Variants in TRAK1 observed in about 807,000 individuals in gnomAD.
TRAK1 encodes the protein trafficking kinesin-binding protein 1.
Under a neutral mutation model 92.1 loss-of-function variants are expected in TRAK1, and 33 were observed. That is an observed-to-expected ratio of 0.36 (90% CI 0.27 to 0.48). TRAK1 has a LOEUF of 0.48. TRAK1 is among the 20% of genes least tolerant of loss of function. The probability of loss-of-function intolerance (pLI) is 0.99; values close to 1 mark genes in which losing one functional copy is unlikely to be tolerated. For synonymous variants in TRAK1, 521 were observed against 517.3 expected (o/e 1.01, Z -0.10); for missense variants, 1,123 against 1,257.9 (o/e 0.89, Z 1.62).
chr3:42,086,754 T>C (rs1023621950), upstream of TRAK1, among the ~76,000 whole-genome samples: 11 of 152,170 alleles, frequency 7.2e-5, no homozygotes, highest in African/African-American at 2.7e-4. Context: ...TGTAATTCCA[T>C]ATACAAATAA....
chr3:42,181,587 G>A (rs1387581132), intron 3 of TRAK1, among the ~76,000 whole-genome samples: 1 of 152,138 alleles, frequency 6.6e-6, no homozygotes, highest in African/African-American at 2.4e-5. Flanking sequence ...AAATATCAGC[G>A]CTTGTTGGAA....
At chr3:42,200,641 A>T (rs1179977355) in intron 11 of TRAK1, among the ~76,000 whole-genome samples, 177 bp from the exon 12 acceptor site, 2 of 152,118 alleles carry the variant, frequency 1.3e-5, no homozygotes, top group Non-Finnish European at 2.9e-5. Flanking sequence ...CAAATTTCGC[A>T]TTGTGAAGGA....
chr3:42,105,552 C>T (rs1707414326), intron 1 of TRAK1, among the ~76,000 whole-genome samples: 1 of 152,168 alleles, frequency 6.6e-6, no homozygotes, highest in South Asian at 2.1e-4. Flanking sequence ...ATTGGTGTAC[C>T]TGAAAGTGAT....
intron 2 of TRAK1, among the ~76,000 whole-genome samples, chr3:42,131,937 A>G (rs1426278797): frequency 2.0e-5 from 3 of 149,044 alleles, no homozygotes; most frequent in African/African-American, 7.4e-5. Flanking sequence ...GTGTGATGGT[A>G]TGCACCTTGT....
chr3:42,210,649 A>G (rs3196165), intron 14 of TRAK1: 758,262 of 1,000,754 alleles, frequency 0.76, 287,999 homozygotes, highest in East Asian at 0.99. Context: ...CAGACATTTC[A>G]TCAGCCTTTT....
intron 2 of TRAK1, among the ~76,000 whole-genome samples, chr3:42,135,481 A>G (rs1697830695): frequency 6.6e-6 from 1 of 152,132 alleles, no homozygotes; most frequent in Non-Finnish European, 1.5e-5. Context: ...TAATCCCAAC[A>G]CTTTGGGTGG....
chr3:42,146,315 C>T, intron 2 of TRAK1: 2 of 309,098 alleles, frequency 6.5e-6, no homozygotes, highest in Non-Finnish European at 1.3e-5. Context: ...ACTTGGTTTT[C>T]CTGACCTCAG....
intron 1 of TRAK1, among the ~76,000 whole-genome samples, chr3:42,048,730 A>G (rs1459852734): frequency 6.6e-6 from 1 of 151,278 alleles, no homozygotes; most frequent in East Asian, 1.9e-4. Context: ...CCCCACAACA[A>G]TTTTTGTATT....
chr3:42,061,171 C>T (rs1703423410), intron 1 of TRAK1, among the ~76,000 whole-genome samples: 1 of 152,068 alleles, frequency 6.6e-6, no homozygotes, highest in South Asian at 2.1e-4. Context: ...AGTTCCCATA[C>T]ACCCTTGACC....
At chr3:42,089,715 AT>A (rs1266553802), upstream of TRAK1, among the ~76,000 whole-genome samples, 2 of 116,130 alleles carry the variant, frequency 1.7e-5, no homozygotes, top group Non-Finnish European at 3.5e-5. Flanking sequence ...ACCTTTCCCC[AT>A]CTCCCTTTCC....
intron 1 of TRAK1, among the ~76,000 whole-genome samples, chr3:42,049,886 G>C (rs1702912562): frequency 6.6e-6 from 1 of 152,008 alleles, no homozygotes; most frequent in Admixed American, 6.6e-5. Context: ...CTGTTTCCTG[G>C]CTTCTTTCTC....
At chr3:42,023,839 C>T (rs998394277) in intron 1 of TRAK1, among the ~76,000 whole-genome samples, 35 of 149,570 alleles carry the variant, frequency 2.3e-4, no homozygotes, top group African/African-American at 8.1e-4. Context: ...CTGCAGCCTC[C>T]GTCTCCCGGG....
chr3:42,103,381 G>T (rs962101031), intron 1 of TRAK1, among the ~76,000 whole-genome samples: 2 of 152,004 alleles, frequency 1.3e-5, no homozygotes, highest in African/African-American at 2.4e-5. Flanking sequence ...TGCTGGGTTG[G>T]CCAGGCTGGT....
At chr3:42,048,121 A>C (rs1051416229) in intron 1 of TRAK1, among the ~76,000 whole-genome samples, 1 of 151,774 alleles carries the variant, frequency 6.6e-6, no homozygotes, top group African/African-American at 2.4e-5. Flanking sequence ...GGCAACATAA[A>C]ATTTTGCCTG....
chr3:42,054,903 G>GTTTTT (rs1703134580), intron 1 of TRAK1, among the ~76,000 whole-genome samples: 2 of 54,152 alleles, frequency 3.7e-5, no homozygotes, highest in Non-Finnish European at 7.3e-5. Flanking sequence ...CAGCAAACTA[G>GTTTTT]ATTTTTTTTT....
At chr3:42,169,890 A>T (rs1702336413) in intron 2 of TRAK1, among the ~76,000 whole-genome samples, 1 of 152,192 alleles carries the variant, frequency 6.6e-6, no homozygotes, top group South Asian at 2.1e-4. Flanking sequence ...TGACACTTGG[A>T]TAGGGTGTCA....
upstream of TRAK1, among the ~76,000 whole-genome samples, chr3:42,090,644 C>G (rs1704971754): frequency 6.6e-6 from 1 of 152,202 alleles, no homozygotes; most frequent in African/African-American, 2.4e-5. Flanking sequence ...CACAGTGCTA[C>G]TGTACTCTAG....
rs1559752126 is a variant in TRAK1, at chr3:42,091,479, G to A, written c.10G>A (p.Val4Ile). 4 of 1,613,712 alleles carry A rather than the reference G, an allele frequency of 2.5e-6. No homozygotes were observed. In the South Asian group the frequency reaches 4.4e-5, roughly 18 times the overall value. MAL[V>I]FQFGQPVRAQ... ...GAGTTTATGTCTGCACATGGCATTG[G>A]TTTTTCAATTCGGGCAGCCCGTCAG... Residue 4 changes from valine (V) to isoleucine (I), a missense_variant, in exon 1 of 16, where the codon GTT becomes ATT. This residue lies in a region of TRAK1 where 686 missense variants were observed against 747.6 expected (regional missense o/e 0.92). Coordinates refer to ENST00000327628, the MANE Select transcript of TRAK1 (RefSeq NM_001042646.3).
At chr3:42,177,283 G>A (rs1344991036) in intron 3 of TRAK1, among the ~76,000 whole-genome samples, 2 of 152,156 alleles carry the variant, frequency 1.3e-5, no homozygotes, top group Non-Finnish European at 2.9e-5. Flanking sequence ...ATATTGTGCA[G>A]TGTCAGCGTG....
Sources: gnomAD v4.1 joint callset for allele counts (sites outside exome capture counted in the v4.1 genomes callset) on GRCh38, gnomAD v4.1.1 for gene constraint, gnomAD v4.1.1 regional missense constraint, MANE v1.5 for transcripts, NCBI Gene and HGNC (gene_info 2026-07-23, HGNC 2026-07-21) for gene names.